TMEM163: variants seen among roughly 807,000 people sequenced by gnomAD.
TMEM163 encodes the protein transmembrane protein 163.
Under a neutral mutation model 29.3 loss-of-function variants are expected in TMEM163, and 17 were observed. The ratio of observed to expected loss-of-function variants is 0.58; its 90% CI spans 0.40 to 0.87. TMEM163 has a LOEUF of 0.87. Among genes scored for constraint, TMEM163 ranks in the 40% least tolerant of loss-of-function variants. The pLI is 0.00. For missense variants in TMEM163, 303 were observed against 381.5 expected (o/e 0.79, Z 1.71); for synonymous variants, 157 against 160.6 (o/e 0.98, Z 0.17).
chr2:134,587,991 G>A (rs61067551), intron 2 of TMEM163, among the ~76,000 whole-genome samples: 13,386 of 152,282 alleles, frequency 0.088, 665 homozygotes, highest in South Asian at 0.16. Context: ...TGTTACAGAA[G>A]GCCAGAGAAA....
intron 2 of TMEM163, among the ~76,000 whole-genome samples, chr2:134,646,161 T>C (rs1413526222): frequency 1.3e-5 from 2 of 152,044 alleles, no homozygotes; most frequent in Non-Finnish European, 1.5e-5. Flanking sequence ...CTCAGCTTAC[T>C]GCAACCTCCA....
chr2:134,700,870 C>T (rs1272415264), intron 2 of TMEM163, among the ~76,000 whole-genome samples: 1 of 149,658 alleles, frequency 6.7e-6, no homozygotes, highest in African/African-American at 2.5e-5. Flanking sequence ...CACTGCACTC[C>T]AGCCTGGGTG....
intron 6 of TMEM163, among the ~76,000 whole-genome samples, chr2:134,461,955 G>C (rs1387827076): frequency 6.6e-6 from 1 of 152,154 alleles, no homozygotes; most frequent in African/African-American, 2.4e-5. Context: ...GGAAAGAACA[G>C]AGAAGATAAT....
chr2:134,668,998 A>G (rs766267867), intron 2 of TMEM163, among the ~76,000 whole-genome samples: 17 of 152,116 alleles, frequency 1.1e-4, no homozygotes, highest in Non-Finnish European at 2.4e-4. Context: ...GACCACCGCC[A>G]AGGAGTGACT....
intron 4 of TMEM163, among the ~76,000 whole-genome samples, chr2:134,523,595 A>G (rs1441956153): frequency 6.6e-6 from 1 of 152,148 alleles, no homozygotes. Flanking sequence ...CACGTTTCTC[A>G]GCAAAGGAGC....
chr2:134,539,353 C>T lies in TMEM163; in HGVS notation c.458+11217G>A, dbSNP rs557992617. 6.2e-4 allele frequency among the ~76,000 whole-genome samples: 95 copies of T among 152,226 alleles called. 1 individual carries two copies. The highest frequency in any genetic ancestry group is 2.2e-3 in the African/African-American group (91 of 41,526). The stretch of plus-strand genomic sequence containing the variant: ...CATTCGATGCAATTTCATGGACACC[C>T]GAGGAAGGCGACATGCACTGTGGTG... On this transcript the variant is annotated intron_variant, in intron 4 of 7. Transcript: ENST00000281924.
chr2:134,504,229 C>T (rs186425109), intron 4 of TMEM163, among the ~76,000 whole-genome samples: 5 of 152,222 alleles, frequency 3.3e-5, no homozygotes, highest in East Asian at 1.9e-4. Flanking sequence ...AGCAGGTAAG[C>T]GAGGCTGCTT....
chr2:134,478,628 C>T (rs906099216), intron 5 of TMEM163, among the ~76,000 whole-genome samples: 2 of 152,140 alleles, frequency 1.3e-5, no homozygotes, highest in Non-Finnish European at 2.9e-5. Context: ...GGTGTGGCTG[C>T]ATCTAACTAA....
chr2:134,489,437 G>A (rs188699600), intron 5 of TMEM163, among the ~76,000 whole-genome samples: 1 of 152,072 alleles, frequency 6.6e-6, no homozygotes, highest in Non-Finnish European at 1.5e-5. Flanking sequence ...AATTAGCCAG[G>A]TGCAGTGGTG....
intron 2 of TMEM163, among the ~76,000 whole-genome samples, chr2:134,582,961 C>T (rs2104795765): frequency 6.6e-6 from 1 of 152,316 alleles, no homozygotes; most frequent in East Asian, 1.9e-4. Flanking sequence ...GAGATCTCTA[C>T]TCTGGGACCA....
intron 2 of TMEM163, among the ~76,000 whole-genome samples, chr2:134,646,440 T>C (rs1197797560): frequency 6.6e-6 from 1 of 151,818 alleles, no homozygotes; most frequent in Non-Finnish European, 1.5e-5. Context: ...CCTCATTCTA[T>C]GCTTTTATTT....
chr2:134,608,526 C>T (rs1574277296), intron 2 of TMEM163, among the ~76,000 whole-genome samples: 2 of 35,382 alleles, frequency 5.7e-5, no homozygotes, highest in African/African-American at 1.4e-4. Flanking sequence ...GAGGACAGAC[C>T]CCGAGAACTG....
At chr2:134,497,457 C>T (rs142370659) in intron 5 of TMEM163, among the ~76,000 whole-genome samples, 1 of 152,032 alleles carries the variant, frequency 6.6e-6, no homozygotes, top group East Asian at 1.9e-4. Context: ...AGACACTGGC[C>T]AAGAGCGCAA....
intron 2 of TMEM163, among the ~76,000 whole-genome samples, chr2:134,606,947 C>T (rs1344189024): frequency 2.8e-5 from 4 of 142,474 alleles, no homozygotes; most frequent in African/African-American, 1.1e-4. Context: ...AAAAGGAGGA[C>T]AGACCCCGAG....
chr2:134,661,013 T>C (rs1008484903), intron 2 of TMEM163, among the ~76,000 whole-genome samples: 1 of 152,312 alleles, frequency 6.6e-6, no homozygotes, highest in South Asian at 2.1e-4. Flanking sequence ...ACTGCCCTCA[T>C]TAATGGATTG....
chr2:134,560,458 C>T (rs11895815), intron 2 of TMEM163, among the ~76,000 whole-genome samples: 7,719 of 152,216 alleles, frequency 0.051, 683 homozygotes, highest in African/African-American at 0.18. Context: ...AGAAGGCAGA[C>T]AGGACCAAGG....
At chr2:134,660,301 C>T (rs1683719069) in intron 2 of TMEM163, among the ~76,000 whole-genome samples, 1 of 152,094 alleles carries the variant, frequency 6.6e-6, no homozygotes, top group African/African-American at 2.4e-5. Context: ...GGAGCATAAG[C>T]CAGCTTGAAG....
chr2:134,494,085 G>A (rs1026192750), intron 5 of TMEM163, among the ~76,000 whole-genome samples: 1 of 152,120 alleles, frequency 6.6e-6, no homozygotes, highest in Admixed American at 6.5e-5. Context: ...AAGGGAGGGA[G>A]AGTGCCAACC....
chr2:134,464,642 T>C (rs13018116), intron 6 of TMEM163, among the ~76,000 whole-genome samples: 5,407 of 152,234 alleles, frequency 0.036, 161 homozygotes, highest in South Asian at 0.13. Flanking sequence ...AGAGACCGTG[T>C]TGCAGACTCA....
Sources: gnomAD v4.1 joint callset for allele counts (sites outside exome capture counted in the v4.1 genomes callset) on GRCh38, gnomAD v4.1.1 for gene constraint, MANE v1.5 for transcripts, NCBI Gene and HGNC (gene_info 2026-07-23, HGNC 2026-07-21) for gene names.